TMEM74: variants seen among roughly 807,000 people sequenced by gnomAD.
TMEM74 encodes the protein transmembrane protein 74.
Under a neutral mutation model 18.1 loss-of-function variants are expected in TMEM74, and 13 were observed. The ratio of observed to expected loss-of-function variants is 0.72; its 90% CI spans 0.47 to 1.14. The LOEUF (loss-of-function observed/expected upper bound fraction) is 1.14, where lower values mean the gene tolerates loss of function less well. Among genes scored for constraint, TMEM74 ranks in the 50% most tolerant of loss-of-function variants. The probability of loss-of-function intolerance (pLI) is 0.00; values close to 1 mark genes in which losing one functional copy is unlikely to be tolerated. For missense variants in TMEM74, 372 were observed against 375.9 expected (o/e 0.99, Z 0.09); for synonymous variants, 159 against 146.6 (o/e 1.08, Z -0.61).
Position 108,708,809 on chromosome 8 carries a change from C to CAAAAAAAAAAAA in TMEM74, n.120-53384_120-53373dup, listed in dbSNP as rs71564016. Among the ~76,000 whole-genome samples, 13 of 17,922 alleles carry CAAAAAAAAAAAA rather than the reference C, an allele frequency of 7.3e-4. 2 individuals carry two copies. Among genetic ancestry groups the CAAAAAAAAAAAA allele is most frequent in the African/African-American group, 2.0e-3 (5 of 2,536 alleles). 11.8% of individuals were successfully genotyped at this position (17,922 alleles called of 152,430 possible). A position where few individuals can be genotyped will look rare whatever the true frequency, so the allele number is the denominator to read the frequency against. ...ACATGAAACTTCTACAACTCAATAGCAAAAAAAAAAAAAAAAAAAAAAACC... is the reference window on the plus strand; with the variant it reads ...ACATGAAACTTCTACAACTCAATAGCAAAAAAAAAAAAAAAAAAAAAAAAAAAAAAAAAAACC... On this transcript the variant is annotated intron_variant and non_coding_transcript_variant, in intron 1 of 3. Coordinates refer to the TMEM74 transcript ENST00000518838.
At chr8:108,732,103 A>C (rs1247898447) in intron 1 of TMEM74, among the ~76,000 whole-genome samples, 1 of 152,198 alleles carries the variant, frequency 6.6e-6, no homozygotes, top group Non-Finnish European at 1.5e-5. Flanking sequence ...TACTTCCTTT[A>C]AAATGTCTTG....
At chr8:108,772,292 T>G (rs542702393) in intron 1 of TMEM74, among the ~76,000 whole-genome samples, 1 of 152,128 alleles carries the variant, frequency 6.6e-6, no homozygotes, top group Admixed American at 6.6e-5. Context: ...GAAACCAAGG[T>G]AAGAGGCTGT....
At chr8:108,714,713 GAC>G (rs1473615855) in intron 1 of TMEM74, among the ~76,000 whole-genome samples, 3 of 152,134 alleles carry the variant, frequency 2.0e-5, no homozygotes, top group East Asian at 1.9e-4. Context: ...CTACCAAAAA[GAC>G]ACATGAACTT....
chr8:108,623,488 C>T (rs1476872179), intron 2 of TMEM74, among the ~76,000 whole-genome samples: 2 of 151,974 alleles, frequency 1.3e-5, no homozygotes, highest in Non-Finnish European at 2.9e-5. Context: ...AACAGTGTTT[C>T]TATGTTGGCT....
intron 1 of TMEM74, among the ~76,000 whole-genome samples, chr8:108,749,095 CT>C (rs1275892946): frequency 2.0e-5 from 3 of 151,806 alleles, no homozygotes; most frequent in African/African-American, 7.3e-5. Flanking sequence ...CAGTTTTGTT[CT>C]TTTTGCTTAG....
At chr8:108,616,631 C>A (rs1812386659) in intron 2 of TMEM74, among the ~76,000 whole-genome samples, 3 of 152,084 alleles carry the variant, frequency 2.0e-5, no homozygotes, top group African/African-American at 7.2e-5. Context: ...TTAACAAGAT[C>A]TTTACCGTAC....
intron 1 of TMEM74, among the ~76,000 whole-genome samples, chr8:108,746,447 T>C (rs951276447): frequency 6.6e-6 from 1 of 152,084 alleles, no homozygotes; most frequent in African/African-American, 2.4e-5. Flanking sequence ...CTCAATAAAT[T>C]ATGAGCTTCA....
rs535904863 is a variant in TMEM74 at position 108,640,171 on chromosome 8, C to T, written n.264+15122G>A. Among the ~76,000 whole-genome samples the T allele has an allele frequency of 3.2e-4, 40 of 124,710 alleles. No homozygotes were observed. In the East Asian group the frequency reaches 4.8e-3, roughly 15 times the overall value. 81.8% of individuals were successfully genotyped at this position (124,710 alleles called of 152,430 possible). On this transcript the variant is annotated intron_variant and non_coding_transcript_variant, in intron 2 of 3. Transcript: ENST00000518838. ...GACGGAGTCCGGAGTCTTGCTCTAT[C>T]GCCCAGGCTGGAGTGCAGTAGTGTG...
At chr8:108,765,335 T>G (rs752043140) in intron 1 of TMEM74, among the ~76,000 whole-genome samples, 15 of 151,946 alleles carry the variant, frequency 9.9e-5, no homozygotes, top group Admixed American at 3.3e-4. Context: ...TCCTGGACTT[T>G]AAGGGATGGT....
intron 1 of TMEM74, among the ~76,000 whole-genome samples, chr8:108,674,229 A>G (rs1261589454): frequency 1.3e-5 from 2 of 152,186 alleles, no homozygotes; most frequent in African/African-American, 4.8e-5. Context: ...ACTCATGTAA[A>G]TATACCCAAC....
chr8:108,738,526 G>A (rs148381841), intron 1 of TMEM74, among the ~76,000 whole-genome samples: 1 of 152,122 alleles, frequency 6.6e-6, no homozygotes, highest in African/African-American at 2.4e-5. Context: ...TTACCTTGTT[G>A]ATATAGGCAT....
At chr8:108,677,542 T>C (rs1026159655) in intron 1 of TMEM74, among the ~76,000 whole-genome samples, 24 of 139,234 alleles carry the variant, frequency 1.7e-4, no homozygotes, top group Non-Finnish European at 3.5e-4. Flanking sequence ...CTTAGTATTC[T>C]GTTGTTTTTT....
chr8:108,707,946 C>T (rs994593486), intron 1 of TMEM74, among the ~76,000 whole-genome samples: 7 of 152,130 alleles, frequency 4.6e-5, no homozygotes, highest in Admixed American at 1.3e-4. Flanking sequence ...TGTGTGTCAT[C>T]GGTTTTGATG....
chr8:108,647,610 G>A (rs1043888923), intron 2 of TMEM74, among the ~76,000 whole-genome samples: 14 of 152,032 alleles, frequency 9.2e-5, no homozygotes, highest in Admixed American at 5.3e-4. Flanking sequence ...GGATAAACGA[G>A]TAAATGAAAC....
At position 108,783,316 on chromosome 8, in the gene TMEM74, A is replaced by C. The variant is rs1256159402; in HGVS notation, c.*865T>G. 6.6e-6 allele frequency among the ~76,000 whole-genome samples: 1 copy of C among 152,156 alleles called. No individual in the cohort carries two copies. Among genetic ancestry groups the C allele is most frequent in the Admixed American group, 6.5e-5 (1 of 15,284 alleles). On this transcript the variant is annotated 3_prime_UTR_variant, in exon 2 of 2. Transcript: ENST00000297459. ...GACTCAGGCCTGTCTAGATGTTTAG[A>C]TGTCTGGAAATATATTTAAAATGTC...
chr8:108,721,501 A>G (rs537823188), intron 1 of TMEM74, among the ~76,000 whole-genome samples: 12 of 152,364 alleles, frequency 7.9e-5, no homozygotes, highest in African/African-American at 2.2e-4. Context: ...GCTCTGCTTC[A>G]GGATTTTCTC....
At chr8:108,749,968 C>T (rs1813888241) in intron 1 of TMEM74, among the ~76,000 whole-genome samples, 1 of 152,104 alleles carries the variant, frequency 6.6e-6, no homozygotes, top group Admixed American at 6.6e-5. Context: ...ATGACCTCTC[C>T]TCTGCTCAGG....
intron 1 of TMEM74, among the ~76,000 whole-genome samples, chr8:108,680,875 G>A (rs563706573): frequency 8.1e-4 from 123 of 152,208 alleles, no homozygotes; most frequent in African/African-American, 2.8e-3. Flanking sequence ...ACCAATAACA[G>A]ACAAACAGAG....
chr8:108,716,251 C>T lies in TMEM74; in HGVS notation n.120-60814G>A, dbSNP rs529545480. On this transcript the variant is annotated intron_variant and non_coding_transcript_variant, in intron 1 of 3. Transcript: ENST00000518838. ...TCACTACACAGTAAATCAAAATATG[C>T]AATATGTTCCATGATGTAAAAAGTT... Among the ~76,000 whole-genome samples the T allele has an allele frequency of 2.0e-5, 3 of 152,050 alleles. No individual in the cohort carries two copies. In the East Asian group the frequency reaches 5.8e-4, roughly 29 times the overall value.
Sources: allele counts gnomAD v4.1 joint callset (sites outside exome capture counted in the v4.1 genomes callset), GRCh38; gene constraint gnomAD v4.1.1; transcripts MANE v1.5; gene names NCBI Gene and HGNC (gene_info 2026-07-23, HGNC 2026-07-21).